FBN2: variants seen among roughly 807,000 people sequenced by gnomAD.
FBN2 encodes the protein fibrillin 2, also known as fibrillin-2.
FBN2 carries 105 observed loss-of-function variants against 355.6 expected under a neutral mutation model. That is an observed-to-expected ratio of 0.30 (90% CI 0.25 to 0.35). The LOEUF is 0.35. FBN2 is among the 10% of genes least tolerant of loss of function. The probability of loss-of-function intolerance (pLI) is 1.00; values close to 1 mark genes in which losing one functional copy is unlikely to be tolerated. For synonymous variants in FBN2, 1,350 were observed against 1,301.2 expected, an observed-to-expected ratio of 1.04 and a Z score of -0.81; for missense variants, 3,280 against 3,758.7, an observed-to-expected ratio of 0.87 and a Z score of 3.33.
intron 8 of FBN2, among the ~76,000 whole-genome samples, chr5:128,396,168 AAG>A (rs1030649352): frequency 6.6e-6 from 1 of 152,094 alleles, no homozygotes; most frequent in African/African-American, 2.4e-5. Flanking sequence ...GTATGGAAGA[AAG>A]AGAGTCTTAG....
At chr5:128,511,649 A>C (rs1317926070) in intron 5 of FBN2, among the ~76,000 whole-genome samples, 2 of 152,194 alleles carry the variant, frequency 1.3e-5, no homozygotes, top group Non-Finnish European at 2.9e-5. Flanking sequence ...CAGTCACAAC[A>C]CAATGAAAAG....
chr5:128,412,119 GT>G (rs1336543648), intron 7 of FBN2, among the ~76,000 whole-genome samples: 1 of 150,948 alleles, frequency 6.6e-6, no homozygotes, highest in African/African-American at 2.5e-5. Context: ...AACTATATCA[GT>G]TTGCAGCTTT....
chr5:128,396,833 T>C (rs995276381), intron 8 of FBN2, among the ~76,000 whole-genome samples: 3 of 152,194 alleles, frequency 2.0e-5, no homozygotes, highest in African/African-American at 7.2e-5. Flanking sequence ...AGAAGAAAGA[T>C]GTACCACAGC....
intron 7 of FBN2, among the ~76,000 whole-genome samples, chr5:128,411,175 C>G (rs537958730): frequency 5.3e-4 from 80 of 152,214 alleles, no homozygotes; most frequent in Admixed American, 2.7e-3. Flanking sequence ...CGGATGCCGG[C>G]AGGAACAAAC....
intron 2 of FBN2, among the ~76,000 whole-genome samples, chr5:128,533,898 T>C (rs1756779091): frequency 6.6e-6 from 1 of 151,984 alleles, no homozygotes; most frequent in South Asian, 2.1e-4. Flanking sequence ...TTCCGTACTT[T>C]TGGAAATGAA....
intron 7 of FBN2, among the ~76,000 whole-genome samples, chr5:128,414,114 T>C (rs2127006496): frequency 6.6e-6 from 1 of 152,340 alleles, no homozygotes; most frequent in Middle Eastern, 3.4e-3. Flanking sequence ...TTTCAATTTA[T>C]AAACAGCTTT....
chr5:128,442,889 G>A (rs1753960817), intron 7 of FBN2, among the ~76,000 whole-genome samples: 1 of 152,130 alleles, frequency 6.6e-6, no homozygotes, highest in African/African-American at 2.4e-5. Flanking sequence ...AAGAGTCGCA[G>A]GAGAATCAAA....
chr5:128,280,971 T>C (rs1398388576), intron 55 of FBN2, among the ~76,000 whole-genome samples: 1 of 152,228 alleles, frequency 6.6e-6, no homozygotes, highest in Non-Finnish European at 1.5e-5. Flanking sequence ...AAAGCTGTGT[T>C]GTTAGGAGCA....
At chr5:128,319,176 C>T (rs1344227210) in intron 34 of FBN2, among the ~76,000 whole-genome samples, 175 bp from the exon 35 acceptor site, 3 of 151,540 alleles carry the variant, frequency 2.0e-5, no homozygotes, top group Admixed American at 6.6e-5. Context: ...CTAATGTTCA[C>T]CTATGGAACT....
At chr5:128,273,993 C>T (rs202148545) in intron 60 of FBN2, 25 bp from the exon 61 acceptor site, 102 of 1,613,410 alleles carry the variant, frequency 6.3e-5, no homozygotes, top group East Asian at 4.2e-4. Flanking sequence ...AGAAGCAGAG[C>T]GTCAAACTTT....
At chr5:128,330,506 A>G in intron 33 of FBN2, 67 bp downstream of exon 33, 1 of 1,572,104 alleles carries the variant, frequency 6.4e-7, no homozygotes, top group Non-Finnish European at 8.8e-7. Flanking sequence ...AATTTTCTTC[A>G]AATAAGGAAG....
intron 6 of FBN2, 39 bp downstream of exon 6, chr5:128,464,685 A>G (rs773097598): frequency 1.3e-6 from 2 of 1,591,994 alleles, no homozygotes; most frequent in Admixed American, 1.7e-5. Flanking sequence ...GAGAAGTGGC[A>G]GGTCTGCGAT....
At chr5:128,454,015 A>C (rs1754323660) in intron 6 of FBN2, among the ~76,000 whole-genome samples, 1 of 142,410 alleles carries the variant, frequency 7.0e-6, no homozygotes, top group African/African-American at 2.6e-5. Context: ...TTCTCCTTCC[A>C]TTACCCTCTG....
At chr5:128,300,745 T>G in intron 48 of FBN2, 72 bp downstream of exon 48, 1 of 1,509,868 alleles carries the variant, frequency 6.6e-7, no homozygotes, top group Non-Finnish European at 9.2e-7. Context: ...GCACTTAGTA[T>G]GTTTCCAGAG....
chr5:128,353,215 C>G (rs1468854259), intron 20 of FBN2, among the ~76,000 whole-genome samples: 1 of 151,310 alleles, frequency 6.6e-6, no homozygotes, highest in Non-Finnish European at 1.5e-5. Flanking sequence ...AACAAAAATA[C>G]CCCCCTGCCC....
chr5:128,309,449 T>G (rs747455026), intron 40 of FBN2, 50 bp from the exon 41 acceptor site: 32 of 1,527,304 alleles, frequency 2.1e-5, no homozygotes, highest in African/African-American at 2.7e-5. Context: ...ACGAGTAGTT[T>G]ATAATGAAGC....
intron 7 of FBN2, among the ~76,000 whole-genome samples, chr5:128,419,440 G>C (rs1753287042): frequency 6.6e-6 from 1 of 152,028 alleles, no homozygotes; most frequent in African/African-American, 2.4e-5. Flanking sequence ...GTTAGTTGTA[G>C]TTTTTCATAG....
intron 60 of FBN2, 53 bp from the exon 61 acceptor site, chr5:128,274,021 T>TA: frequency 6.2e-7 from 1 of 1,607,134 alleles, no homozygotes. Flanking sequence ...TAACATGTCT[T>TA]ACGTTTCATG....
chr5:128,298,460 A>G (rs1415896951), intron 48 of FBN2, among the ~76,000 whole-genome samples: 2 of 152,110 alleles, frequency 1.3e-5, no homozygotes, highest in Admixed American at 1.3e-4. Context: ...TCTCCCCGTC[A>G]CTTTCAGGTA....
Sources: allele counts gnomAD v4.1 joint callset (sites outside exome capture counted in the v4.1 genomes callset), GRCh38; gene constraint gnomAD v4.1.1; transcripts MANE v1.5; gene names NCBI Gene and HGNC (gene_info 2026-07-23, HGNC 2026-07-21).